The following REDIC1 variants were observed in gnomAD, a reference collection of about 807,000 sequenced individuals.
REDIC1 encodes the protein HEI10 Interacting Protein 1.
the REDIC1 span, among the ~76,000 whole-genome samples, chr12:39,660,655 G>T: frequency 1.3e-5 from 2 of 151,966 alleles, no homozygotes; most frequent in African/African-American, 4.8e-5. Context: ...TCTATGTGTT[G>T]AGAACATTTT....
chr12:39,865,049 A>G, the REDIC1 span, among the ~76,000 whole-genome samples: 1 of 152,234 alleles, frequency 6.6e-6, no homozygotes, highest in African/African-American at 2.4e-5. Flanking sequence ...CCCAATGTAT[A>G]AACAAATTAT....
the REDIC1 span, among the ~76,000 whole-genome samples, chr12:39,703,730 A>C: frequency 6.6e-6 from 1 of 152,178 alleles, no homozygotes; most frequent in Admixed American, 6.5e-5. Context: ...ACCAAAAGAG[A>C]GATATAGATT....
the REDIC1 span, among the ~76,000 whole-genome samples, chr12:39,793,717 G>A: frequency 4.2e-3 from 640 of 152,154 alleles, 3 homozygotes; most frequent in African/African-American, 0.014. Context: ...TCTTGGCTCT[G>A]AACAATTCTC....
At chr12:39,675,793 T>G in the REDIC1 span, among the ~76,000 whole-genome samples, 1 of 152,172 alleles carries the variant, frequency 6.6e-6, no homozygotes, top group East Asian at 1.9e-4. Context: ...CAGGACTCTT[T>G]GTAGACATTA....
the REDIC1 span, among the ~76,000 whole-genome samples, chr12:39,896,260 ATGTGTG>A: frequency 1.1e-5 from 1 of 94,806 alleles, no homozygotes; most frequent in African/African-American, 3.8e-5. Flanking sequence ...ATGTATGTAT[ATGTGTG>A]TATATATGTA....
the REDIC1 span, among the ~76,000 whole-genome samples, chr12:39,869,113 A>G: frequency 6.6e-6 from 1 of 152,220 alleles, no homozygotes; most frequent in African/African-American, 2.4e-5. Flanking sequence ...TAAAATGTCA[A>G]GTATATATCT....
At chr12:39,813,239 G>C in the REDIC1 span, among the ~76,000 whole-genome samples, 2 of 151,294 alleles carry the variant, frequency 1.3e-5, no homozygotes, top group Non-Finnish European at 2.9e-5. Context: ...TTGTTTCTTA[G>C]CTATCTTAAA....
the REDIC1 span, among the ~76,000 whole-genome samples, chr12:39,713,244 G>GTA: frequency 2.6e-5 from 2 of 78,014 alleles, no homozygotes; most frequent in African/African-American, 3.7e-5. Context: ...GTATATATGT[G>GTA]TACACACACA....
chr12:39,860,238 T>C, the REDIC1 span, among the ~76,000 whole-genome samples: 1 of 152,160 alleles, frequency 6.6e-6, no homozygotes, highest in Non-Finnish European at 1.5e-5. Flanking sequence ...TAAGTGTAGG[T>C]GTAAGATGAA....
the REDIC1 span, among the ~76,000 whole-genome samples, chr12:39,675,250 C>T: frequency 6.6e-6 from 1 of 152,204 alleles, no homozygotes; most frequent in Non-Finnish European, 1.5e-5. Flanking sequence ...CCATCCCCCA[C>T]AGTGGCTGCA....
the REDIC1 span, among the ~76,000 whole-genome samples, chr12:39,740,963 A>ATATTAT: frequency 1.5e-5 from 2 of 135,144 alleles, no homozygotes; most frequent in African/African-American, 7.8e-5. Flanking sequence ...GCTTCTTTAC[A>ATATTAT]TATTATTATT....
At chr12:39,714,294 T>G in the REDIC1 span, among the ~76,000 whole-genome samples, 2 of 148,578 alleles carry the variant, frequency 1.3e-5, no homozygotes, top group Non-Finnish European at 3.0e-5. Context: ...CGTATATGCA[T>G]GCATATATGT....
chr12:39,682,676 C>A, the REDIC1 span: 1 of 1,610,604 alleles, frequency 6.2e-7, no homozygotes. Flanking sequence ...TGTAGAAGCA[C>A]GGATGAAATA....
chr12:39,784,300 C>A, the REDIC1 span, among the ~76,000 whole-genome samples: 1 of 152,150 alleles, frequency 6.6e-6, no homozygotes, highest in Admixed American at 6.5e-5. Context: ...AAGCTGGAGG[C>A]ATCACGCTAC....
At chr12:39,771,306 G>C in the REDIC1 span, among the ~76,000 whole-genome samples, 3 of 152,084 alleles carry the variant, frequency 2.0e-5, no homozygotes, top group South Asian at 4.1e-4. Context: ...AAAGTGACAG[G>C]ACATATGTGA....
the REDIC1 span, among the ~76,000 whole-genome samples, chr12:39,862,476 T>C: frequency 6.6e-6 from 1 of 152,240 alleles, no homozygotes; most frequent in African/African-American, 2.4e-5. Flanking sequence ...TATCACTTTC[T>C]AAAATGAAGA....
the REDIC1 span, among the ~76,000 whole-genome samples, chr12:39,652,069 C>T: frequency 0.12 from 18,638 of 152,006 alleles, 1,210 homozygotes; most frequent in Middle Eastern, 0.15. Flanking sequence ...GGTTGTTGCC[C>T]GTATCTATAG....
chr12:39,879,086 T>C, the REDIC1 span, among the ~76,000 whole-genome samples: 2,201 of 152,374 alleles, frequency 0.014, 61 homozygotes, highest in African/African-American at 0.048. Context: ...CTTGCTGTCT[T>C]CTACATGGTG....
At chr12:39,714,277 G>GTATATACGTATATGCATGCATATA in the REDIC1 span, among the ~76,000 whole-genome samples, 4 of 146,612 alleles carry the variant, frequency 2.7e-5, 1 homozygote, top group Non-Finnish European at 6.0e-5. Context: ...ATGTATATAT[G>GTATATACGTATATGCATGCATATA]TATATACGTA....
Sources: gnomAD v4.1 joint callset for allele counts (sites outside exome capture counted in the v4.1 genomes callset) on GRCh38, gnomAD v4.1.1 for gene constraint, MANE v1.5 for transcripts, NCBI Gene and HGNC (gene_info 2026-07-23, HGNC 2026-07-21) for gene names.